Variants in MECOM observed in about 807,000 individuals in gnomAD.
The protein encoded by MECOM is histone-lysine N-methyltransferase MECOM.
Under a neutral mutation model 116.3 loss-of-function variants are expected in MECOM, and 13 were observed. That is an observed-to-expected ratio of 0.11 (90% CI 0.07 to 0.18). The LOEUF (loss-of-function observed/expected upper bound fraction) is 0.18. Ranked by LOEUF, MECOM falls within the 10% of genes least tolerant of loss-of-function variation. The pLI is 1.00. For synonymous variants in MECOM, 528 were observed against 535.2 expected (o/e 0.99, Z 0.19); for missense variants, 1,299 against 1,509.0 (o/e 0.86, Z 2.31).
At chr3:169,266,395 G>A (rs1337203893) in intron 2 of MECOM, among the ~76,000 whole-genome samples, 1 of 152,186 alleles carries the variant, frequency 6.6e-6, no homozygotes, top group African/African-American at 2.4e-5. Context: ...TCAAGTGTTT[G>A]AAAATGGTAT....
intron 1 of MECOM, among the ~76,000 whole-genome samples, chr3:169,553,658 C>T (rs1318517910): frequency 1.3e-5 from 2 of 152,178 alleles, no homozygotes; most frequent in Non-Finnish European, 2.9e-5. Context: ...TTTATTTTCT[C>T]ACAGTTCCAG....
chr3:169,483,789 T>C (rs1044606341), intron 1 of MECOM: 2 of 1,611,572 alleles, frequency 1.2e-6, no homozygotes, highest in Non-Finnish European at 1.7e-6. Context: ...CTTCTTCAAA[T>C]ATTTTTTGGT....
chr3:169,461,448 C>T (rs1350114145), intron 1 of MECOM, among the ~76,000 whole-genome samples: 2 of 152,158 alleles, frequency 1.3e-5, no homozygotes, highest in Non-Finnish European at 2.9e-5. Flanking sequence ...ACTGCAAAGA[C>T]ATCTGTGCCT....
chr3:169,638,607 C>CTAA (rs1293861396), intron 1 of MECOM, among the ~76,000 whole-genome samples: 1 of 152,202 alleles, frequency 6.6e-6, no homozygotes, highest in Non-Finnish European at 1.5e-5. Context: ...ATTGGTCAGT[C>CTAA]TAATAGGCAA....
intron 1 of MECOM, among the ~76,000 whole-genome samples, chr3:169,419,441 A>G (rs1739322405): frequency 1.3e-5 from 2 of 152,180 alleles, no homozygotes; most frequent in African/African-American, 4.8e-5. Context: ...AGCCAAGACC[A>G]TCCTAAGCAA....
At chr3:169,206,990 A>T (rs1750021162) in intron 2 of MECOM, among the ~76,000 whole-genome samples, 1 of 152,216 alleles carries the variant, frequency 6.6e-6, no homozygotes, top group Non-Finnish European at 1.5e-5. Context: ...CTTTAAAAGC[A>T]GTTTGAAACT....
chr3:169,413,261 C>T (rs941748116), intron 1 of MECOM, among the ~76,000 whole-genome samples: 5 of 152,168 alleles, frequency 3.3e-5, no homozygotes, highest in African/African-American at 1.2e-4. Flanking sequence ...GGTTGGGGAA[C>T]TCCATCCCTT....
intron 2 of MECOM, among the ~76,000 whole-genome samples, chr3:169,153,621 C>T (rs1288673410): frequency 6.6e-6 from 1 of 152,088 alleles, no homozygotes; most frequent in East Asian, 1.9e-4. Context: ...ATTCTTCCCT[C>T]GAGCTTTAGA....
At chr3:169,092,830 T>G in intron 14 of MECOM, 128 bp downstream of exon 14, 1 of 1,012,814 alleles carries the variant, frequency 9.9e-7, no homozygotes, top group African/African-American at 1.6e-5. Context: ...ATTTAATATG[T>G]ACTAAATATA....
rs57656358 is a variant in MECOM at position 169,639,444 on chromosome 3, C to T, written c.37+23892G>A. On this transcript the variant is annotated intron_variant, in intron 1 of 16. Transcript: ENST00000651503. ...ATGAATAACAAAGTATATAGTGAAG[C>T]ATTTTGTGATAGTCTGAAGCCAACA... Among the ~76,000 whole-genome samples, 1,204 of 152,262 alleles carry T rather than the reference C, an allele frequency of 7.9e-3. 22 individuals carry two copies. The highest frequency in any genetic ancestry group is 0.026 in the African/African-American group (1,091 of 41,554).
intron 1 of MECOM, among the ~76,000 whole-genome samples, chr3:169,649,567 C>A (rs1158512801): frequency 6.6e-6 from 1 of 151,998 alleles, no homozygotes; most frequent in Non-Finnish European, 1.5e-5. Flanking sequence ...TGTCAAATGT[C>A]GGTGTTCAAT....
intron 2 of MECOM, among the ~76,000 whole-genome samples, chr3:169,365,090 T>C (rs1053595314): frequency 2.0e-5 from 3 of 152,160 alleles, no homozygotes; most frequent in Admixed American, 2.0e-4. Flanking sequence ...TTACAGGAGA[T>C]AATGACTTGG....
chr3:169,183,815 C>T (rs867582692), intron 2 of MECOM, among the ~76,000 whole-genome samples: 31 of 53,118 alleles, frequency 5.8e-4, no homozygotes, highest in East Asian at 2.2e-3. Flanking sequence ...CACACACACA[C>T]ACACATATAT....
At chr3:169,393,393 C>T (rs749248764) in intron 1 of MECOM, among the ~76,000 whole-genome samples, 1 of 152,010 alleles carries the variant, frequency 6.6e-6, no homozygotes, top group Non-Finnish European at 1.5e-5. Context: ...TAATTTCTAC[C>T]TATGTATACA....
chr3:169,190,702 T>C (rs1336638425), intron 2 of MECOM, among the ~76,000 whole-genome samples: 1 of 152,008 alleles, frequency 6.6e-6, no homozygotes, highest in Non-Finnish European at 1.5e-5. Context: ...GTGCTAATTA[T>C]TAATATCTTA....
chr3:169,270,389 A>G (rs1292414037), intron 2 of MECOM, among the ~76,000 whole-genome samples: 2 of 152,110 alleles, frequency 1.3e-5, no homozygotes, highest in South Asian at 4.1e-4. Flanking sequence ...ATCTGTATCT[A>G]TCTATCTATC....
intron 1 of MECOM, among the ~76,000 whole-genome samples, chr3:169,618,485 G>A (rs371007978): frequency 1.5e-4 from 23 of 152,018 alleles, no homozygotes; most frequent in African/African-American, 4.8e-4. Context: ...GTGAAACCCC[G>A]TCTCTACTAA....
chr3:169,490,370 G>A (rs938005598), intron 1 of MECOM, among the ~76,000 whole-genome samples: 35 of 152,042 alleles, frequency 2.3e-4, no homozygotes, highest in African/African-American at 8.2e-4. Flanking sequence ...TCTCACACAG[G>A]TGCACAAACA....
intron 2 of MECOM, among the ~76,000 whole-genome samples, chr3:169,347,147 A>G (rs1319495564): frequency 6.6e-6 from 1 of 152,078 alleles, no homozygotes; most frequent in East Asian, 1.9e-4. Flanking sequence ...AATGTAAAAA[A>G]GAGAAACAAC....
Sources: gnomAD v4.1 joint callset for allele counts (sites outside exome capture counted in the v4.1 genomes callset) on GRCh38, gnomAD v4.1.1 for gene constraint, MANE v1.5 for transcripts, NCBI Gene and HGNC (gene_info 2026-07-23, HGNC 2026-07-21) for gene names.